Variants in RUNX2 observed in about 807,000 individuals in gnomAD.
RUNX2 encodes the protein runt-related transcription factor 2.
RUNX2 carries 10 observed loss-of-function variants against 51.7 expected under a neutral mutation model. The ratio of observed to expected loss-of-function variants is 0.19; its 90% CI spans 0.12 to 0.33. The LOEUF (loss-of-function observed/expected upper bound fraction) is 0.33, where lower values mean the gene tolerates loss of function less well. RUNX2 is among the 10% of genes least tolerant of loss of function. RUNX2 has a pLI of 1.00. For missense variants in RUNX2, 562 were observed against 691.3 expected (o/e 0.81, Z 2.10); for synonymous variants, 276 against 273.6 (o/e 1.01, Z -0.09).
At chr6:45,498,550 A>G (rs2150411512) in intron 6 of RUNX2, among the ~76,000 whole-genome samples, 1 of 152,336 alleles carries the variant, frequency 6.6e-6, no homozygotes, top group African/African-American at 2.4e-5. Flanking sequence ...ATACTTTAAA[A>G]TTCAATATAA....
At position 45,550,435 on chromosome 6, in the gene RUNX2, G is replaced by T. The variant is rs1802532126; in HGVS notation, c.*3130G>T. On this transcript the variant is annotated 3_prime_UTR_variant, in exon 9 of 9. Coordinates refer to ENST00000647337, the MANE Select transcript of RUNX2 (RefSeq NM_001024630.4). Reference sequence around the variant, plus strand: ...GATAAATTCAGAAGGGAGGAGATGTGTGTACAGCTTTAAGGATTCCCTCAA... The same window carrying T: ...GATAAATTCAGAAGGGAGGAGATGTTTGTACAGCTTTAAGGATTCCCTCAA... 6.6e-6 allele frequency: 1 copy of T among 152,250 alleles called. No individual in the cohort carries two copies. Among genetic ancestry groups the T allele is most frequent in the African/African-American group, 2.4e-5 (1 of 41,456 alleles). 9.4% of individuals were successfully genotyped at this position (152,250 alleles called of 1,614,324 possible). A position where few individuals can be genotyped will look rare whatever the true frequency, so the allele number is the denominator to read the frequency against.
intron 5 of RUNX2, among the ~76,000 whole-genome samples, chr6:45,474,373 ATGTGTGTGTGTGTGTG>A (rs56719456): frequency 4.7e-5 from 7 of 149,490 alleles, no homozygotes; most frequent in Non-Finnish European, 7.4e-5. Context: ...TGTTTTATAT[ATGTGTGTGTGTGTGTG>A]TGTGTGTGTG....
At chr6:45,499,819 C>CT (rs961163368) in intron 6 of RUNX2, among the ~76,000 whole-genome samples, 6 of 152,162 alleles carry the variant, frequency 3.9e-5, no homozygotes, top group Admixed American at 2.6e-4. Context: ...TCTAGCCTGT[C>CT]TTTAACTCTC....
intron 2 of RUNX2, chr6:45,365,341 AGCTAT>A (rs1794946792): frequency 1.1e-5 from 15 of 1,328,880 alleles, no homozygotes; most frequent in Non-Finnish European, 1.5e-5. Context: ...AAATGTACCT[AGCTAT>A]AAGTAAATGC....
intron 6 of RUNX2, among the ~76,000 whole-genome samples, chr6:45,494,788 G>A (rs141729156): frequency 9.9e-5 from 15 of 152,282 alleles, no homozygotes; most frequent in African/African-American, 3.6e-4. Context: ...TTAATCTCTG[G>A]ATTGACTTCT....
At chr6:45,509,297 G>A (rs1801072134) in intron 6 of RUNX2, among the ~76,000 whole-genome samples, 1 of 152,174 alleles carries the variant, frequency 6.6e-6, no homozygotes, top group Admixed American at 6.5e-5. Flanking sequence ...TTCCAAAAAT[G>A]AGAGTATTTA....
intron 2 of RUNX2, among the ~76,000 whole-genome samples, chr6:45,370,135 G>A (rs1259807831): frequency 1.3e-5 from 2 of 152,230 alleles, no homozygotes; most frequent in Non-Finnish European, 2.9e-5. Context: ...GGAAGCAAGA[G>A]TGCAATCAAG....
At chr6:45,417,442 A>G (rs546889029) in intron 2 of RUNX2, among the ~76,000 whole-genome samples, 2 of 152,344 alleles carry the variant, frequency 1.3e-5, no homozygotes, top group South Asian at 4.1e-4. Context: ...CTCCAAAATT[A>G]TTAAGTGAAA....
In RUNX2 at chr6:45,375,883, T is replaced by C. The variant is rs200235202; in HGVS notation, c.59-46710T>C. Among the ~76,000 whole-genome samples, 20 of 152,276 alleles carry C rather than the reference T, an allele frequency of 1.3e-4. No homozygotes were observed. The East Asian group carries it at 3.5e-3, about 26-fold the overall frequency. ...TAAAGTAATTTTGTGAAACATCTATTACCTAATTTCACTTATCTCTCCAAA... is the reference window on the plus strand; with the variant it reads ...TAAAGTAATTTTGTGAAACATCTATCACCTAATTTCACTTATCTCTCCAAA... On this transcript the variant is annotated intron_variant, in intron 2 of 8. Transcript: ENST00000647337.
chr6:45,544,513 A>G (rs1802329531), intron 7 of RUNX2, among the ~76,000 whole-genome samples: 1 of 152,208 alleles, frequency 6.6e-6, no homozygotes, highest in African/African-American at 2.4e-5. Context: ...TATTTTAAGT[A>G]CAGATACACC....
chr6:45,500,851 CAG>C (rs1800782110), intron 6 of RUNX2, among the ~76,000 whole-genome samples: 1 of 152,190 alleles, frequency 6.6e-6, no homozygotes. Flanking sequence ...CAGTACAACA[CAG>C]GGGAACAAGG....
chr6:45,506,994 G>A (rs1462320536), intron 6 of RUNX2, among the ~76,000 whole-genome samples: 3 of 149,028 alleles, frequency 2.0e-5, no homozygotes, highest in South Asian at 2.1e-4. Context: ...GAAACTTTCT[G>A]TGACATAGCA....
At chr6:45,408,067 T>A (rs1461709130) in intron 2 of RUNX2, among the ~76,000 whole-genome samples, 2 of 152,116 alleles carry the variant, frequency 1.3e-5, no homozygotes, top group Non-Finnish European at 2.9e-5. Context: ...AAGTTAACTG[T>A]TTTTTTGGAA....
intron 1 of RUNX2, 32 bp from the exon 2 acceptor site, chr6:45,328,629 A>C: frequency 6.2e-7 from 1 of 1,609,942 alleles, no homozygotes; most frequent in Non-Finnish European, 8.5e-7. Context: ...TGTAAAACTA[A>C]AACAAGGTTT....
intron 2 of RUNX2, among the ~76,000 whole-genome samples, chr6:45,402,226 T>C (rs190985630): frequency 6.6e-6 from 1 of 152,376 alleles, no homozygotes; most frequent in Admixed American, 6.5e-5. Context: ...GAAGCTAGTA[T>C]AAATGGGAAT....
chr6:45,519,790 A>ATATGTGTGTG (rs1554398519), intron 7 of RUNX2, among the ~76,000 whole-genome samples: 1 of 124,086 alleles, frequency 8.1e-6, no homozygotes, highest in Admixed American at 8.7e-5. Context: ...ATATATATAT[A>ATATGTGTGTG]TGTGTGTGTG....
At chr6:45,459,724 T>C (rs1799418975) in intron 5 of RUNX2, among the ~76,000 whole-genome samples, 2 of 152,136 alleles carry the variant, frequency 1.3e-5, no homozygotes, top group South Asian at 4.1e-4. Flanking sequence ...AATGAATATA[T>C]ATAATATGCA....
chr6:45,531,743 T>G (rs1428160197), intron 7 of RUNX2, among the ~76,000 whole-genome samples: 1 of 150,844 alleles, frequency 6.6e-6, no homozygotes, highest in African/African-American at 2.4e-5. Context: ...CAGGGTGAGA[T>G]TCTGTCTAAA....
At position 45,457,960 on chromosome 6, in the gene RUNX2, T is replaced by C. The variant is rs545638885; in HGVS notation, c.685+19909T>C. Among the ~76,000 whole-genome samples the C allele has an allele frequency of 2.0e-5, 3 of 151,938 alleles. No individual in the cohort carries two copies. The South Asian group carries it at 6.2e-4, about 32-fold the overall frequency. On this transcript the variant is annotated intron_variant, in intron 5 of 8. Coordinates refer to ENST00000647337, the MANE Select transcript of RUNX2 (RefSeq NM_001024630.4). ...AGGCATATGAAGGTTTAACAGGCAATGAAGGCTCTCTGACAGTCTATATGG... is the reference window on the plus strand; with the variant it reads ...AGGCATATGAAGGTTTAACAGGCAACGAAGGCTCTCTGACAGTCTATATGG...
Sources: allele counts gnomAD v4.1 joint callset (sites outside exome capture counted in the v4.1 genomes callset), GRCh38; gene constraint gnomAD v4.1.1; transcripts MANE v1.5; gene names NCBI Gene and HGNC (gene_info 2026-07-23, HGNC 2026-07-21).